Variants in WDR70 observed in about 807,000 individuals in gnomAD.
The protein encoded by WDR70 is WD repeat-containing protein 70.
A neutral mutation model predicts 88.6 loss-of-function variants in WDR70; 53 were observed. The ratio of observed to expected loss-of-function variants is 0.60; its 90% confidence interval spans 0.48 to 0.75. The LOEUF is 0.75. Among genes scored for constraint, WDR70 ranks in the 30% least tolerant of loss-of-function variants. The pLI, the probability that WDR70 is intolerant of heterozygous loss-of-function variation, is 0.00. For missense variants in WDR70, 610 were observed against 823.2 expected (o/e 0.74, Z 3.17); for synonymous variants, 280 against 270.0 (o/e 1.04, Z -0.36).
rs1454168264 is a variant in WDR70 at position 37,666,166 on chromosome 5, G to A, written c.1093-31489G>A. Among the ~76,000 whole-genome samples the A allele has an allele frequency of 2.0e-5, 3 of 152,352 alleles. No homozygotes were observed. The South Asian group carries it at 6.2e-4, about 32-fold the overall frequency. Reference sequence around the variant, plus strand: ...GTCATTCCACGGCGCTGTGCTTCCGGTGTTGGCATGGTGGCTTTCCTCTTC... The same window carrying A: ...GTCATTCCACGGCGCTGTGCTTCCGATGTTGGCATGGTGGCTTTCCTCTTC... On this transcript the variant is annotated intron_variant, in intron 10 of 17. Coordinates refer to ENST00000265107, the MANE Select transcript of WDR70 (RefSeq NM_018034.4).
At chr5:37,406,780 T>C (rs1489597385) in intron 5 of WDR70, among the ~76,000 whole-genome samples, 1 of 152,224 alleles carries the variant, frequency 6.6e-6, no homozygotes, top group African/African-American at 2.4e-5. Flanking sequence ...TCGTATCATT[T>C]GAAGGAATTC....
chr5:37,484,160 G>T (rs1175364989), intron 8 of WDR70, among the ~76,000 whole-genome samples: 1 of 152,212 alleles, frequency 6.6e-6, no homozygotes, highest in Admixed American at 6.5e-5. Flanking sequence ...GGTGGCAGCC[G>T]GGCAGAGGCT....
At chr5:37,468,379 T>C in intron 7 of WDR70, among the ~76,000 whole-genome samples, 1 of 152,302 alleles carries the variant, frequency 6.6e-6, no homozygotes, top group South Asian at 2.1e-4. Flanking sequence ...TACAAATATA[T>C]TTTTTATTTC....
chr5:37,750,109 C>T (rs1748761779), intron 17 of WDR70, among the ~76,000 whole-genome samples: 1 of 152,220 alleles, frequency 6.6e-6, no homozygotes, highest in African/African-American at 2.4e-5. Context: ...GATTATAGAA[C>T]ATTTCCATCC....
intron 12 of WDR70, among the ~76,000 whole-genome samples, chr5:37,702,352 A>G (rs1747189512): frequency 6.6e-6 from 1 of 152,194 alleles, no homozygotes; most frequent in Non-Finnish European, 1.5e-5. Flanking sequence ...TCTTTGGGTC[A>G]TGTCTTAGAT....
intron 10 of WDR70, among the ~76,000 whole-genome samples, chr5:37,649,998 A>G (rs1312833999): frequency 3.9e-5 from 2 of 51,688 alleles, no homozygotes; most frequent in Non-Finnish European, 1.4e-4. Flanking sequence ...CTGCCTCCCA[A>G]AGTGCTGGGA....
Position 37,694,802 on chromosome 5 carries a change from A to G in WDR70, c.1093-2853A>G, listed in dbSNP as rs1377640002. 2.6e-5 allele frequency among the ~76,000 whole-genome samples: 4 copies of G among 151,912 alleles called. No homozygotes were observed. In the South Asian group the frequency reaches 8.3e-4, roughly 32 times the overall value. ...ATGGCACATGTATACCTATGTATCAAACCTGCATATTGTGCACATGTACCC... is the reference window on the plus strand; with the variant it reads ...ATGGCACATGTATACCTATGTATCAGACCTGCATATTGTGCACATGTACCC... On this transcript the variant is annotated intron_variant, in intron 10 of 17. Coordinates refer to ENST00000265107, the MANE Select transcript of WDR70 (RefSeq NM_018034.4).
chr5:37,407,493 C>T (rs1489578216), intron 5 of WDR70, among the ~76,000 whole-genome samples: 1 of 142,162 alleles, frequency 7.0e-6, no homozygotes, highest in East Asian at 1.9e-4. Flanking sequence ...CCACTGTACT[C>T]CAGGCTGGGT....
intron 9 of WDR70, among the ~76,000 whole-genome samples, chr5:37,541,560 G>A (rs1490799815): frequency 6.6e-6 from 1 of 152,138 alleles, no homozygotes; most frequent in African/African-American, 2.4e-5. Flanking sequence ...GGAGGAAAAA[G>A]CAGAAAAATA....
chr5:37,638,069 C>T (rs1268439197), intron 10 of WDR70, among the ~76,000 whole-genome samples: 1 of 152,118 alleles, frequency 6.6e-6, no homozygotes, highest in Non-Finnish European at 1.5e-5. Context: ...TCTGTATTCT[C>T]ATATATTTTC....
At position 37,449,307 on chromosome 5, in the gene WDR70, C is replaced by G. The variant is rs556718309; in HGVS notation, c.686+5935C>G. 6.6e-5 allele frequency among the ~76,000 whole-genome samples: 10 copies of G among 152,004 alleles called. No individual in the cohort carries two copies. The South Asian group carries it at 1.7e-3, about 25-fold the overall frequency. ...TTAATTTTTGATACTGCAGGATGCT[C>G]CAGGCCGGGCGCAGTGGCTCACGCC... On this transcript the variant is annotated intron_variant, in intron 7 of 17. Transcript: ENST00000265107.
intron 9 of WDR70, among the ~76,000 whole-genome samples, chr5:37,534,152 T>C (rs1198734080): frequency 6.6e-6 from 1 of 152,208 alleles, no homozygotes; most frequent in Non-Finnish European, 1.5e-5. Flanking sequence ...CCTGAAGTTC[T>C]GCTCAATACT....
At chr5:37,544,009 G>C (rs769581617) in intron 9 of WDR70, among the ~76,000 whole-genome samples, 1 of 152,044 alleles carries the variant, frequency 6.6e-6, no homozygotes, top group Non-Finnish European at 1.5e-5. Context: ...TGACGTCAAG[G>C]GATCCACCTG....
intron 10 of WDR70, among the ~76,000 whole-genome samples, chr5:37,676,628 C>T (rs1423586348): frequency 3.0e-4 from 46 of 151,960 alleles, no homozygotes; most frequent in Admixed American, 1.9e-3. Context: ...CTGCTGGATT[C>T]GGTTTGCCAG....
intron 9 of WDR70, among the ~76,000 whole-genome samples, chr5:37,518,967 T>C (rs1054008534): frequency 2.0e-5 from 3 of 152,132 alleles, no homozygotes; most frequent in Non-Finnish European, 4.4e-5. Context: ...TAACCCTGAG[T>C]TGACACAGCA....
chr5:37,682,448 T>G (rs766638152), intron 10 of WDR70, among the ~76,000 whole-genome samples: 4 of 152,136 alleles, frequency 2.6e-5, no homozygotes, highest in Non-Finnish European at 4.4e-5. Context: ...ATTTTGGTTA[T>G]TTTTTGTCTT....
At chr5:37,660,618 G>A (rs72740989) in intron 10 of WDR70, among the ~76,000 whole-genome samples, 7,193 of 151,994 alleles carry the variant, frequency 0.047, 205 homozygotes, top group Middle Eastern at 0.12. Context: ...AGCTTCTGCA[G>A]GTTACTTTTG....
At chr5:37,702,638 C>A (rs1747198010) in intron 12 of WDR70, among the ~76,000 whole-genome samples, 1 of 152,074 alleles carries the variant, frequency 6.6e-6, no homozygotes, top group Non-Finnish European at 1.5e-5. Flanking sequence ...AAAAAAATTA[C>A]AATGTAGAAG....
At chr5:37,745,232 A>G (rs1412705085) in intron 17 of WDR70, among the ~76,000 whole-genome samples, 1 of 152,096 alleles carries the variant, frequency 6.6e-6, no homozygotes, top group Non-Finnish European at 1.5e-5. Context: ...ATGCTGAGGG[A>G]TTTTGTTACC....
Sources: gnomAD v4.1 joint callset for allele counts (sites outside exome capture counted in the v4.1 genomes callset) on GRCh38, gnomAD v4.1.1 for gene constraint, MANE v1.5 for transcripts, NCBI Gene and HGNC (gene_info 2026-07-23, HGNC 2026-07-21) for gene names.